The following C14orf132 variants were observed in gnomAD, a reference collection of about 807,000 sequenced individuals.
C14orf132 encodes the protein chromosome 14 open reading frame 132, also known as uncharacterized protein C14orf132.
A neutral mutation model predicts 5.8 loss-of-function variants in C14orf132; 6 were observed. The ratio of observed to expected loss-of-function variants is 1.03; its 90% confidence interval spans 0.57 to 2.04. The LOEUF (loss-of-function observed/expected upper bound fraction) is 2.04, where lower values mean the gene tolerates loss of function less well. Among genes scored for constraint, C14orf132 ranks in the 30% most tolerant of loss-of-function variants. The pLI, the probability that C14orf132 is intolerant of heterozygous loss-of-function variation, is 0.00. For synonymous variants in C14orf132, 51 were observed against 49.8 expected (o/e 1.02, Z -0.10); for missense variants, 125 against 115.8 (o/e 1.08, Z -0.37).
At chr14:96,072,435 G>T (rs1887742105) in intron 1 of C14orf132, among the ~76,000 whole-genome samples, 1 of 152,124 alleles carries the variant, frequency 6.6e-6, no homozygotes, top group African/African-American at 2.4e-5. Flanking sequence ...GTGAACGCCG[G>T]GCTTGCCACA....
chr14:96,039,628 C>T lies in C14orf132; in HGVS notation c.27+101C>T. The T allele has an allele frequency of 1.7e-6, 2 of 1,186,850 alleles. No individual in the cohort carries two copies. The highest frequency in any genetic ancestry group is 1.9e-5 in the South Asian group (1 of 53,156). 73.5% of individuals were successfully genotyped at this position (1,186,850 alleles called of 1,614,324 possible). A position where few individuals can be genotyped will look rare whatever the true frequency, so the allele number is the denominator to read the frequency against. ...GCTGGGGCTGGGCAGTGGCGCCCGC[C>T]CGCGATCCGCGTCCCGGTCCTTTGT... On this transcript the variant is annotated intron_variant, in intron 1 of 1. Coordinates refer to ENST00000555004, the MANE Select transcript of C14orf132 (RefSeq NM_001252507.3). The surrounding 1 kb of genome is among the most constrained non-coding windows in gnomAD (Gnocchi z 5.3).
At chr14:96,052,711 C>T (rs1887065311) in intron 1 of C14orf132, among the ~76,000 whole-genome samples, 1 of 152,126 alleles carries the variant, frequency 6.6e-6, no homozygotes. Context: ...ACCCTTGCCC[C>T]ACGTCCTCAA....
At chr14:96,042,147 C>T (rs1424371949) in intron 1 of C14orf132, among the ~76,000 whole-genome samples, 2 of 152,202 alleles carry the variant, frequency 1.3e-5, no homozygotes, top group Non-Finnish European at 2.9e-5. Flanking sequence ...AGGCATATAT[C>T]TCCTGGTGGG....
At chr14:96,084,902 G>C (rs1394543861) in intron 1 of C14orf132, among the ~76,000 whole-genome samples, 1 of 152,202 alleles carries the variant, frequency 6.6e-6, no homozygotes, top group Non-Finnish European at 1.5e-5. Context: ...ACCTGGTAAT[G>C]GTCATCCTTT....
At chr14:96,049,575 TATACGTATATATATAC>T (rs1886951096) in intron 1 of C14orf132, among the ~76,000 whole-genome samples, 1 of 117,466 alleles carries the variant, frequency 8.5e-6, no homozygotes, top group African/African-American at 2.9e-5. Flanking sequence ...TATATACATA[TATACGTATATATATAC>T]ATATATACGT....
chr14:96,085,306 A>C (rs1397507962), intron 1 of C14orf132, among the ~76,000 whole-genome samples: 1 of 152,242 alleles, frequency 6.6e-6, no homozygotes, highest in Non-Finnish European at 1.5e-5. Flanking sequence ...TCATTCATTC[A>C]GGTTCCCTTC....
At chr14:96,056,442 G>A (rs1887187479) in intron 1 of C14orf132, among the ~76,000 whole-genome samples, 1 of 152,170 alleles carries the variant, frequency 6.6e-6, no homozygotes, top group Non-Finnish European at 1.5e-5. Flanking sequence ...GCTCCGCTGA[G>A]GAACTCAGCA....
intron 1 of C14orf132, among the ~76,000 whole-genome samples, chr14:96,046,548 T>C (rs922762085): frequency 1.4e-4 from 22 of 152,382 alleles, no homozygotes; most frequent in African/African-American, 4.6e-4. Flanking sequence ...CAGCTACATA[T>C]TGGGGAGATC....
chr14:96,064,874 G>T lies in C14orf132; in HGVS notation c.28-21637G>T, dbSNP rs74371801. ...AAAAGTCACGTCCTCATCTTAATTT[G>T]CTCTCCTGGCATTTTGCATTTTCCA... is the stretch of plus-strand genomic sequence containing the variant. On this transcript the variant is annotated intron_variant, in intron 1 of 1. Transcript: ENST00000555004. Among the ~76,000 whole-genome samples the T allele has an allele frequency of 6.9e-3, 1,048 of 152,226 alleles. 23 individuals are homozygous for T. In the East Asian group the frequency reaches 0.08, roughly 12 times the overall value.
chr14:96,068,638 C>A (rs1179484238), intron 1 of C14orf132, among the ~76,000 whole-genome samples: 2 of 152,156 alleles, frequency 1.3e-5, no homozygotes, highest in African/African-American at 4.8e-5. Flanking sequence ...CGCTTACTAC[C>A]CCTGGGAGGA....
chr14:96,055,513 A>C (rs980042703), intron 1 of C14orf132, among the ~76,000 whole-genome samples: 1 of 152,118 alleles, frequency 6.6e-6, no homozygotes, highest in African/African-American at 2.4e-5. Context: ...CCTTCCAACT[A>C]TGCATTTATA....
intron 1 of C14orf132, among the ~76,000 whole-genome samples, chr14:96,067,591 C>T (rs768441193): frequency 5.0e-4 from 76 of 151,744 alleles, no homozygotes; most frequent in Admixed American, 1.4e-3. Context: ...CCCAGCTACT[C>T]GGGAGGCTGA....
intron 1 of C14orf132, among the ~76,000 whole-genome samples, chr14:96,065,489 C>A (rs1014841935): frequency 6.6e-6 from 1 of 152,108 alleles, no homozygotes; most frequent in South Asian, 2.1e-4. Context: ...CTCCAGTATG[C>A]GTGTGCTCGC....
chr14:96,066,397 C>T (rs1020659453), intron 1 of C14orf132, among the ~76,000 whole-genome samples: 1 of 152,134 alleles, frequency 6.6e-6, no homozygotes, highest in Non-Finnish European at 1.5e-5. Flanking sequence ...CTTTCAGAAG[C>T]GGTGAATTTG....
chr14:96,046,276 T>C (rs1886829601), intron 1 of C14orf132, among the ~76,000 whole-genome samples: 2 of 152,198 alleles, frequency 1.3e-5, no homozygotes, highest in South Asian at 4.1e-4. Flanking sequence ...ACAGAATGGA[T>C]GGTCATTGTC....
chr14:96,069,454 A>G (rs1389289369), intron 1 of C14orf132, among the ~76,000 whole-genome samples: 3 of 152,010 alleles, frequency 2.0e-5, no homozygotes, highest in Non-Finnish European at 4.4e-5. Flanking sequence ...TATTTAAACT[A>G]TCAAAGCCTC....
chr14:96,086,777 G>A lies in C14orf132; in HGVS notation c.*42G>A, dbSNP rs577707027. 5.1e-5 allele frequency: 78 copies of A among 1,516,704 alleles called. No homozygotes were observed. Among genetic ancestry groups the A allele is most frequent in the African/African-American group, 4.4e-4 (32 of 72,782 alleles). 94.0% of individuals were successfully genotyped at this position (1,516,704 alleles called of 1,614,324 possible). A position where few individuals can be genotyped will look rare whatever the true frequency, so the allele number is the denominator to read the frequency against. ...ACCACCATGGGGTGAGGCTTGGCAC[G>A]TAGCTCTGACTTGCTGTCGGCCTTT... is the stretch of plus-strand genomic sequence containing the variant. On this transcript the variant is annotated 3_prime_UTR_variant, in exon 2 of 2. Transcript: ENST00000555004.
At chr14:96,078,069 G>A (rs145307055) in intron 1 of C14orf132, among the ~76,000 whole-genome samples, 15 of 152,356 alleles carry the variant, frequency 9.8e-5, no homozygotes, top group Middle Eastern at 3.4e-3. Flanking sequence ...GTTTCTGCCC[G>A]CTGCATCCTC....
At chr14:96,046,081 C>T (rs1886825434) in intron 1 of C14orf132, among the ~76,000 whole-genome samples, 2 of 152,204 alleles carry the variant, frequency 1.3e-5, no homozygotes, top group Non-Finnish European at 2.9e-5. Context: ...GCTGGCTCCC[C>T]CAAGAAAGAG....
Sources: allele counts gnomAD v4.1 joint callset (sites outside exome capture counted in the v4.1 genomes callset), GRCh38; gene constraint gnomAD v4.1.1; non-coding constraint Gnocchi (gnomAD v3.1); transcripts MANE v1.5; gene names NCBI Gene and HGNC (gene_info 2026-07-23, HGNC 2026-07-21).